ZNRF2: variants seen among roughly 807,000 people sequenced by gnomAD.
The protein encoded by ZNRF2 is zinc and ring finger 2.
A neutral mutation model predicts 20.4 loss-of-function variants in ZNRF2; 16 were observed. The observed-to-expected ratio is 0.79, with a 90% confidence interval of 0.53 to 1.19. ZNRF2 has a LOEUF of 1.19. ZNRF2 is among the 50% of genes most tolerant of loss of function. The pLI is 0.00. For synonymous variants in ZNRF2, 178 were observed against 144.9 expected (o/e 1.23, Z -1.64); for missense variants, 363 against 332.4 (o/e 1.09, Z -0.72).
At chr7:30,286,737 C>A (rs778112494) in intron 1 of ZNRF2, among the ~76,000 whole-genome samples, 1 of 152,196 alleles carries the variant, frequency 6.6e-6, no homozygotes, top group Non-Finnish European at 1.5e-5. Flanking sequence ...GACCACCTCC[C>A]CTCTCCCCTT....
rs117110756 is a variant in ZNRF2, at chr7:30,305,263, T to C, written c.470-18379T>C. Among the ~76,000 whole-genome samples, 400 of 152,312 alleles carry C rather than the reference T, an allele frequency of 2.6e-3. 10 individuals carry two copies. The East Asian group carries it at 0.071, about 27-fold the overall frequency. On this transcript the variant is annotated intron_variant, in intron 1 of 4. Coordinates refer to ENST00000323037, the MANE Select transcript of ZNRF2 (RefSeq NM_147128.4). ...CCCGAATACCACTGGGTATAAAGTT[T>C]TGCTGTTTGAGATACTGATTGTCTT...
In ZNRF2 at chr7:30,284,959, G is replaced by A. The variant is rs1240008600; in HGVS notation, c.-399G>A. The A allele has an allele frequency of 1.0e-5, 3 of 291,272 alleles. 1 individual carries two copies. The highest frequency in any genetic ancestry group is 4.8e-5 in the South Asian group (2 of 41,366). The allele number at this position is 291,272 out of a possible 1,614,324, so 18.0% of individuals were successfully genotyped here. ...GGCGGCGGTAGCAGCGGCCGCCCGA[G>A]AGGAGGCGGTGCCGAGATCGGGGGC... On this transcript the variant is annotated 5_prime_UTR_variant, in exon 1 of 5. Coordinates refer to ENST00000323037, the MANE Select transcript of ZNRF2 (RefSeq NM_147128.4).
chr7:30,319,351 C>T (rs1799430912), intron 1 of ZNRF2, among the ~76,000 whole-genome samples: 1 of 152,138 alleles, frequency 6.6e-6, no homozygotes, highest in African/African-American at 2.4e-5. Context: ...ATGTTGCAGG[C>T]ATTATATATA....
intron 4 of ZNRF2, among the ~76,000 whole-genome samples, chr7:30,365,152 T>C (rs982956162): frequency 2.2e-5 from 2 of 92,730 alleles, no homozygotes; most frequent in African/African-American, 3.1e-5. Flanking sequence ...ATAAGCTTTT[T>C]TTTTTTTTTT....
intron 3 of ZNRF2, among the ~76,000 whole-genome samples, chr7:30,359,609 C>G (rs1800095853): frequency 6.6e-6 from 1 of 152,180 alleles, no homozygotes; most frequent in South Asian, 2.1e-4. Flanking sequence ...TCCCCATGTT[C>G]TTACTCTTAG....
intron 1 of ZNRF2, among the ~76,000 whole-genome samples, chr7:30,323,390 C>T (rs748138801): frequency 8.5e-5 from 13 of 152,122 alleles, no homozygotes; most frequent in Non-Finnish European, 1.5e-4. Flanking sequence ...GAGAGAGATA[C>T]AGGAGTTTGT....
chr7:30,311,076 T>C (rs1374963224), intron 1 of ZNRF2, among the ~76,000 whole-genome samples: 1 of 152,152 alleles, frequency 6.6e-6, no homozygotes, highest in Non-Finnish European at 1.5e-5. Context: ...GTAAGGTGAT[T>C]CTTCTGACCA....
chr7:30,293,588 A>C (rs562003147), intron 1 of ZNRF2, among the ~76,000 whole-genome samples: 1 of 152,158 alleles, frequency 6.6e-6, no homozygotes, highest in African/African-American at 2.4e-5. Flanking sequence ...AGAAACAAAG[A>C]TACACTTTTG....
At chr7:30,293,487 G>A (rs1011351700) in intron 1 of ZNRF2, among the ~76,000 whole-genome samples, 4 of 152,152 alleles carry the variant, frequency 2.6e-5, no homozygotes, top group African/African-American at 9.7e-5. Flanking sequence ...GGCCTCAAGT[G>A]ATTCGCCCAC....
intron 2 of ZNRF2, among the ~76,000 whole-genome samples, chr7:30,345,469 T>A (rs1799862430): frequency 6.6e-6 from 1 of 152,074 alleles, no homozygotes; most frequent in Non-Finnish European, 1.5e-5. Context: ...ATATATAGTG[T>A]TCTGTTATAC....
intron 1 of ZNRF2, among the ~76,000 whole-genome samples, chr7:30,288,151 A>T (rs1798829219): frequency 6.6e-6 from 1 of 152,238 alleles, no homozygotes; most frequent in African/African-American, 2.4e-5. Flanking sequence ...TAAATGAAGA[A>T]TCTTATAATT....
intron 1 of ZNRF2, among the ~76,000 whole-genome samples, chr7:30,288,408 A>G (rs1462795028): frequency 6.6e-6 from 1 of 152,224 alleles, no homozygotes; most frequent in African/African-American, 2.4e-5. Context: ...ATTCAAAATT[A>G]TTCTCTTGTG....
chr7:30,323,088 T>G (rs1799500285), intron 1 of ZNRF2, among the ~76,000 whole-genome samples: 1 of 152,176 alleles, frequency 6.6e-6, no homozygotes, highest in South Asian at 2.1e-4. Flanking sequence ...AGTGCCATGG[T>G]GTGGCAGAAA....
chr7:30,323,194 A>G (rs1799501848), intron 1 of ZNRF2, among the ~76,000 whole-genome samples: 1 of 152,118 alleles, frequency 6.6e-6, no homozygotes, highest in African/African-American at 2.4e-5. Flanking sequence ...TTTTAAGGTT[A>G]TTGAGGTAGA....
At chr7:30,325,381 A>C (rs1191631321) in intron 2 of ZNRF2, among the ~76,000 whole-genome samples, 1 of 152,224 alleles carries the variant, frequency 6.6e-6, no homozygotes, top group African/African-American at 2.4e-5. Context: ...GTACTGTGTT[A>C]GGAATTAGAG....
At chr7:30,299,944 T>C (rs1799083877) in intron 1 of ZNRF2, among the ~76,000 whole-genome samples, 1 of 151,390 alleles carries the variant, frequency 6.6e-6, no homozygotes, top group African/African-American at 2.4e-5. Flanking sequence ...CACACCCGGC[T>C]AATTTTTTGT....
intron 2 of ZNRF2, among the ~76,000 whole-genome samples, chr7:30,344,248 T>A (rs1470602255): frequency 4.0e-5 from 6 of 150,514 alleles, no homozygotes; most frequent in Non-Finnish European, 8.9e-5. Context: ...TTTTTTTTTT[T>A]AATTAGAAAT....
intron 1 of ZNRF2, among the ~76,000 whole-genome samples, chr7:30,316,061 G>A (rs547609393): frequency 2.9e-4 from 44 of 151,930 alleles, no homozygotes; most frequent in African/African-American, 9.9e-4. Context: ...GGCCAAGGCG[G>A]GCAGATCACC....
At chr7:30,348,192 AAAG>A (rs1301248704) in intron 2 of ZNRF2, among the ~76,000 whole-genome samples, 1 of 151,696 alleles carries the variant, frequency 6.6e-6, no homozygotes, top group African/African-American at 2.4e-5. Context: ...AAAAAAAAAA[AAAG>A]ATCTGACTTC....
Sources: allele counts gnomAD v4.1 joint callset (sites outside exome capture counted in the v4.1 genomes callset), GRCh38; gene constraint gnomAD v4.1.1; transcripts MANE v1.5; gene names NCBI Gene and HGNC (gene_info 2026-07-23, HGNC 2026-07-21).